The following FOXP2 variants were observed in gnomAD, a reference collection of about 807,000 sequenced individuals.
FOXP2 encodes the protein forkhead box P2, also known as forkhead box protein P2.
In FOXP2, 12 loss-of-function variants were observed where a neutral mutation model predicts 115.8. The ratio of observed to expected loss-of-function variants is 0.10; its 90% CI spans 0.07 to 0.17. The LOEUF is 0.17. FOXP2 is among the 10% of genes least tolerant of loss of function. FOXP2 has a pLI of 1.00. For missense variants in FOXP2, 629 were observed against 843.5 expected (o/e 0.75, Z 3.15); for synonymous variants, 328 against 297.7 (o/e 1.10, Z -1.05).
intron 1 of FOXP2, among the ~76,000 whole-genome samples, chr7:114,268,625 C>G (rs1477147825): frequency 6.6e-6 from 1 of 152,054 alleles, no homozygotes; most frequent in Non-Finnish European, 1.5e-5. Flanking sequence ...CTGATGTTCT[C>G]AAAGTGTTGT....
chr7:114,379,383 A>AG (rs1422906872), intron 2 of FOXP2, among the ~76,000 whole-genome samples: 1 of 152,114 alleles, frequency 6.6e-6, no homozygotes, highest in Non-Finnish European at 1.5e-5. Flanking sequence ...ATTCTTAGTC[A>AG]GCCTAGGAAA....
intron 2 of FOXP2, among the ~76,000 whole-genome samples, chr7:114,381,514 C>G (rs781390129): frequency 6.6e-6 from 1 of 152,112 alleles, no homozygotes; most frequent in Non-Finnish European, 1.5e-5. Context: ...TGAGTTGAGA[C>G]GTTGGGTTCG....
chr7:114,642,137 AT>A (rs937260532), intron 6 of FOXP2, among the ~76,000 whole-genome samples: 3 of 151,020 alleles, frequency 2.0e-5, no homozygotes, highest in Admixed American at 6.6e-5. Context: ...ACATGCAGGG[AT>A]TTTTTTTTAA....
intron 2 of FOXP2, among the ~76,000 whole-genome samples, chr7:114,496,580 GATA>G (rs1477662654): frequency 6.6e-6 from 1 of 152,064 alleles, no homozygotes; most frequent in African/African-American, 2.4e-5. Context: ...ATGAACAAAA[GATA>G]ATAATCATAA....
intron 1 of FOXP2, among the ~76,000 whole-genome samples, chr7:114,239,060 T>C (rs1795086401): frequency 6.6e-6 from 1 of 151,740 alleles, no homozygotes; most frequent in South Asian, 2.1e-4. Flanking sequence ...AACTTTTGCA[T>C]TCTGTAAAAA....
intron 1 of FOXP2, among the ~76,000 whole-genome samples, chr7:114,148,466 C>A (rs1186039928): frequency 1.3e-5 from 2 of 152,040 alleles, no homozygotes; most frequent in Non-Finnish European, 2.9e-5. Context: ...GAAATCTGTA[C>A]CTTTCAGTCT....
At chr7:114,585,509 C>T (rs796170463) in intron 3 of FOXP2, among the ~76,000 whole-genome samples, 12 of 151,602 alleles carry the variant, frequency 7.9e-5, no homozygotes, top group East Asian at 3.9e-4. Flanking sequence ...CATTTTAACA[C>T]GGTCTTCAGT....
intron 2 of FOXP2, among the ~76,000 whole-genome samples, chr7:114,308,992 A>C (rs933084784): frequency 9.9e-5 from 15 of 152,210 alleles, no homozygotes; most frequent in African/African-American, 3.1e-4. Flanking sequence ...GATTTTCTCA[A>C]ATTTCTACAT....
At chr7:114,586,077 T>C (rs1488493790) in intron 3 of FOXP2, among the ~76,000 whole-genome samples, 1 of 152,094 alleles carries the variant, frequency 6.6e-6, no homozygotes, top group Non-Finnish European at 1.5e-5. Context: ...AAATTCAGTT[T>C]AAAAGCAAAA....
At chr7:114,277,179 A>G (rs983531510) in intron 1 of FOXP2, among the ~76,000 whole-genome samples, 2 of 152,192 alleles carry the variant, frequency 1.3e-5, no homozygotes, top group African/African-American at 4.8e-5. Context: ...GCAAGGTTGA[A>G]TCATTGAGAA....
intron 1 of FOXP2, among the ~76,000 whole-genome samples, chr7:114,098,966 C>T (rs563520159): frequency 6.6e-6 from 1 of 152,124 alleles, no homozygotes; most frequent in African/African-American, 2.4e-5. Flanking sequence ...GAAACCATGT[C>T]TCTAGAAAAA....
intron 1 of FOXP2, among the ~76,000 whole-genome samples, chr7:114,116,759 G>T (rs1336137218): frequency 6.6e-6 from 1 of 152,026 alleles, no homozygotes; most frequent in Non-Finnish European, 1.5e-5. Flanking sequence ...ACATTAATGT[G>T]GAAGAAAAGT....
intron 2 of FOXP2, among the ~76,000 whole-genome samples, chr7:114,460,824 G>T (rs1339642475): frequency 6.6e-6 from 1 of 152,182 alleles, no homozygotes; most frequent in Non-Finnish European, 1.5e-5. Context: ...AAATTGCTTT[G>T]TTATAGCTCT....
chr7:114,109,956 T>C (rs1296496838), intron 1 of FOXP2, among the ~76,000 whole-genome samples: 1 of 152,144 alleles, frequency 6.6e-6, no homozygotes, highest in African/African-American at 2.4e-5. Context: ...GGAGAGAAAG[T>C]GAAGTAAGTA....
intron 6 of FOXP2, among the ~76,000 whole-genome samples, chr7:114,634,585 A>G (rs1248676081): frequency 6.6e-6 from 1 of 151,930 alleles, no homozygotes; most frequent in Non-Finnish European, 1.5e-5. Flanking sequence ...TCCTAAGTAT[A>G]TGTTTGGTTT....
chr7:114,534,815 T>G (rs190261460), intron 3 of FOXP2, 109 bp downstream of exon 3: 2 of 810,690 alleles, frequency 2.5e-6, no homozygotes, highest in African/African-American at 3.5e-5. Context: ...CATTTGCATA[T>G]GTAGGTAATT....
chr7:114,158,542 C>A (rs1584513337), upstream of FOXP2, among the ~76,000 whole-genome samples: 1 of 152,000 alleles, frequency 6.6e-6, no homozygotes, highest in African/African-American at 2.4e-5. Flanking sequence ...TAAAAAAACA[C>A]CTCTTTAGAG....
chr7:114,263,046 CT>C (rs912071281), intron 1 of FOXP2, among the ~76,000 whole-genome samples: 1 of 152,108 alleles, frequency 6.6e-6, no homozygotes. Context: ...AAAGAAGGGT[CT>C]TTTCTTTTGA....
chr7:114,475,284 C>G (rs926663623), intron 2 of FOXP2, among the ~76,000 whole-genome samples: 1 of 152,022 alleles, frequency 6.6e-6, no homozygotes, highest in Non-Finnish European at 1.5e-5. Context: ...CTATATAAAT[C>G]TTGCAGTTCA....
Sources: gnomAD v4.1 joint callset for allele counts (sites outside exome capture counted in the v4.1 genomes callset) on GRCh38, gnomAD v4.1.1 for gene constraint, MANE v1.5 for transcripts, NCBI Gene and HGNC (gene_info 2026-07-23, HGNC 2026-07-21) for gene names.